LAMA2: variants seen among roughly 807,000 people sequenced by gnomAD.
LAMA2 encodes the protein laminin subunit alpha-2.
In LAMA2, 269 loss-of-function variants were observed where a neutral mutation model predicts 364.8. The ratio of observed to expected loss-of-function variants is 0.74; its 90% CI spans 0.67 to 0.82. The LOEUF (loss-of-function observed/expected upper bound fraction) is 0.82, where lower values mean the gene tolerates loss of function less well. Among genes scored for constraint, LAMA2 ranks in the 40% least tolerant of loss-of-function variants. LAMA2 has a pLI of 0.00. For missense variants in LAMA2, 3,807 were observed against 3,873.2 expected, an observed-to-expected ratio of 0.98 and a Z score of 0.45; for synonymous variants, 1,379 against 1,370.6, an observed-to-expected ratio of 1.01 and a Z score of -0.14.
chr6:129,379,182 A>G (rs1192480759), intron 34 of LAMA2, among the ~76,000 whole-genome samples: 3 of 152,164 alleles, frequency 2.0e-5, no homozygotes, highest in Non-Finnish European at 4.4e-5. Flanking sequence ...GTAGAAGGGA[A>G]CAATGTTCAC....
At chr6:128,988,067 T>G (rs1331521294) in intron 1 of LAMA2, among the ~76,000 whole-genome samples, 2 of 152,158 alleles carry the variant, frequency 1.3e-5, no homozygotes, top group African/African-American at 4.8e-5. Flanking sequence ...GGTTTCACCA[T>G]GTTGGCCAGG....
chr6:129,242,434 T>C (rs1562370692), intron 12 of LAMA2, among the ~76,000 whole-genome samples: 1 of 152,164 alleles, frequency 6.6e-6, no homozygotes, highest in Non-Finnish European at 1.5e-5. Flanking sequence ...TGGATTAAAA[T>C]TTTTTCTGTT....
At chr6:129,015,327 C>T (rs573951174) in intron 1 of LAMA2, among the ~76,000 whole-genome samples, 3 of 152,056 alleles carry the variant, frequency 2.0e-5, no homozygotes, top group Non-Finnish European at 2.9e-5. Flanking sequence ...TATATGATCA[C>T]GGTAGAAGAG....
chr6:129,395,124 T>C (rs1226634844), intron 37 of LAMA2, among the ~76,000 whole-genome samples: 1 of 151,280 alleles, frequency 6.6e-6, no homozygotes, highest in Admixed American at 6.6e-5. Context: ...CTGTGTAGGC[T>C]GCTCTGGGGT....
At chr6:129,126,720 A>G (rs1777135928) in intron 4 of LAMA2, among the ~76,000 whole-genome samples, 1 of 152,236 alleles carries the variant, frequency 6.6e-6, no homozygotes, top group African/African-American at 2.4e-5. Flanking sequence ...TTGTAAATTC[A>G]GAGTTTATCC....
intron 48 of LAMA2, among the ~76,000 whole-genome samples, chr6:129,456,974 A>T (rs146137141): frequency 1.4e-3 from 216 of 152,332 alleles, no homozygotes; most frequent in Middle Eastern, 3.4e-3. Flanking sequence ...AGGATGATGC[A>T]CTTAATATTC....
rs894590084 is a variant in LAMA2, at chr6:129,232,716, A to G, written c.1783-17396A>G. Among the ~76,000 whole-genome samples, 89 of 152,050 alleles carry G rather than the reference A, an allele frequency of 5.9e-4. 3 individuals carry two copies. The highest frequency in any genetic ancestry group is 2.1e-4 in the South Asian group (1 of 4,824). On this transcript the variant is annotated intron_variant, in intron 12 of 64. Transcript: ENST00000421865. Reference sequence around the variant, plus strand: ...AACCTGTAAATATGTTCCCTCTTACATGGCAAAAGGGACTTTGCAAATGTG... The same window carrying G: ...AACCTGTAAATATGTTCCCTCTTACGTGGCAAAAGGGACTTTGCAAATGTG...
rs185389796 is a variant in LAMA2, at chr6:129,330,016, G to T, written c.4311+1604G>T. ...ACTGCACATGTGAGGGATCTAGGTT[G>T]TGCGCTCCTGAGAATCTAATGCCTG... On this transcript the variant is annotated intron_variant, in intron 29 of 64. Coordinates refer to ENST00000421865, the MANE Select transcript of LAMA2 (RefSeq NM_000426.4). Among the ~76,000 whole-genome samples the T allele has an allele frequency of 6.2e-3, 949 of 151,880 alleles. 4 individuals carry two copies. The highest frequency in any genetic ancestry group is 9.2e-3 in the Non-Finnish European group (624 of 67,972).
chr6:129,314,547 TTTG>T, intron 23 of LAMA2, 105 bp from the exon 24 acceptor site: 1 of 984,838 alleles, frequency 1.0e-6, no homozygotes, highest in South Asian at 1.4e-5. Flanking sequence ...GTTCTTCTGT[TTTG>T]TTTTAAATTT....
intron 12 of LAMA2, among the ~76,000 whole-genome samples, chr6:129,234,212 T>C (rs1030075942): frequency 6.6e-5 from 10 of 152,196 alleles, no homozygotes; most frequent in Non-Finnish European, 1.0e-4. Context: ...CCTGGAGATA[T>C]ATGCATTAGA....
chr6:129,386,061 T>C (rs965870361), intron 35 of LAMA2, among the ~76,000 whole-genome samples: 2 of 152,138 alleles, frequency 1.3e-5, no homozygotes. Flanking sequence ...ATTCTTTCCC[T>C]AATTTATACA....
At chr6:129,184,771 C>T (rs1400698232) in intron 10 of LAMA2, among the ~76,000 whole-genome samples, 4 of 151,816 alleles carry the variant, frequency 2.6e-5, no homozygotes, top group Non-Finnish European at 5.9e-5. Context: ...TGCTTTTTCT[C>T]TATTGCCATA....
intron 41 of LAMA2, among the ~76,000 whole-genome samples, chr6:129,429,521 C>T (rs1025262884): frequency 1.1e-4 from 17 of 152,000 alleles, no homozygotes; most frequent in African/African-American, 9.7e-5. Flanking sequence ...AGTTCTATCT[C>T]GATTATAAGT....
chr6:129,220,118 G>T (rs1783724179), intron 12 of LAMA2, among the ~76,000 whole-genome samples: 1 of 152,066 alleles, frequency 6.6e-6, no homozygotes, highest in Admixed American at 6.6e-5. Flanking sequence ...TTATAGTGGT[G>T]ATTTCACTTG....
rs554189339 is a variant in LAMA2, at chr6:128,918,810, C to T, written c.112+35453C>T. On this transcript the variant is annotated intron_variant, in intron 1 of 64. Coordinates refer to ENST00000421865, the MANE Select transcript of LAMA2 (RefSeq NM_000426.4). ...ATCCAGTAATTTTTCAGTTACTTTT[C>T]CATTTAAAACAAGTAGTTCGAGGTT... Among the ~76,000 whole-genome samples the T allele has an allele frequency of 2.3e-4, 35 of 152,208 alleles. 1 individual carries two copies. In the South Asian group the frequency reaches 7.2e-3, roughly 32 times the overall value.
intron 61 of LAMA2, among the ~76,000 whole-genome samples, chr6:129,506,628 G>A (rs1786101181): frequency 6.6e-6 from 1 of 152,000 alleles, no homozygotes; most frequent in Admixed American, 6.6e-5. Context: ...GTTACTCTGA[G>A]AGAAGCACGG....
chr6:129,431,397 T>TAAA (rs35235056), intron 41 of LAMA2, among the ~76,000 whole-genome samples: 3 of 98,406 alleles, frequency 3.0e-5, no homozygotes, highest in Non-Finnish European at 4.2e-5. Flanking sequence ...AGACTCTATC[T>TAAA]AAAAAAAAAA....
chr6:129,453,149 C>T lies in LAMA2; in HGVS notation c.6573+18C>T, dbSNP rs772112751. The stretch of plus-strand genomic sequence containing the variant: ...CCAAATTTGTAAGTCTAATATTCAA[C>T]TTTTCATTAGGCTGCTGTATGTGTA... On this transcript the variant is annotated intron_variant, in intron 46 of 64. Coordinates refer to ENST00000421865, the MANE Select transcript of LAMA2 (RefSeq NM_000426.4). 6.2e-7 allele frequency: 1 copy of T among 1,606,636 alleles called. No individual in the cohort carries two copies. The highest frequency in any genetic ancestry group is 1.1e-5 in the South Asian group (1 of 90,922).
chr6:129,232,511 T>A (rs1167321039), intron 12 of LAMA2, among the ~76,000 whole-genome samples: 1 of 152,106 alleles, frequency 6.6e-6, no homozygotes, highest in Non-Finnish European at 1.5e-5. Flanking sequence ...GATTTTTTTC[T>A]CCATATTTAC....
Sources: allele counts gnomAD v4.1 joint callset (sites outside exome capture counted in the v4.1 genomes callset), GRCh38; gene constraint gnomAD v4.1.1; transcripts MANE v1.5; gene names NCBI Gene and HGNC (gene_info 2026-07-23, HGNC 2026-07-21).